Variants in FDCSP observed in about 807,000 individuals in gnomAD.
The protein encoded by FDCSP is follicular dendritic cell secreted peptide.
FDCSP carries 8 observed loss-of-function variants against 8.9 expected under a neutral mutation model. That is an observed-to-expected ratio of 0.90 (90% CI 0.53 to 1.63). FDCSP has a LOEUF of 1.63. FDCSP is among the 40% of genes most tolerant of loss of function. The pLI, the probability that FDCSP is intolerant of heterozygous loss-of-function variation, is 0.00. For missense variants in FDCSP, 101 were observed against 103.6 expected (o/e 0.98, Z 0.11); for synonymous variants, 34 against 34.5 (o/e 0.98, Z 0.06).
intron 1 of FDCSP, among the ~76,000 whole-genome samples, chr4:70,228,074 T>C (rs1044789009): frequency 2.0e-5 from 3 of 151,808 alleles, no homozygotes; most frequent in Non-Finnish European, 2.9e-5. Flanking sequence ...GATTTCTCTG[T>C]AGCATGCGAT....
chr4:70,229,809 A>T (rs1730049850), intron 1 of FDCSP, among the ~76,000 whole-genome samples: 1 of 151,728 alleles, frequency 6.6e-6, no homozygotes, highest in African/African-American at 2.4e-5. Flanking sequence ...CACTGATCAC[A>T]GATCACCATA....
At position 70,231,057 on chromosome 4, in the gene FDCSP, C is replaced by T. The variant is rs532620329; in HGVS notation, c.1-138C>T. On this transcript the variant is annotated intron_variant, in intron 1 of 4. Coordinates refer to ENST00000317987, the MANE Select transcript of FDCSP (RefSeq NM_152997.4). ...ATTCCCTAAGATTGTAAGTGACTTG[C>T]TCAAACTCAAAGAGCTATTTGTCAA... The T allele has an allele frequency of 1.6e-5, 10 of 616,390 alleles. No homozygotes were observed. The South Asian group carries it at 2.5e-4, about 15-fold the overall frequency. 38.2% of individuals were successfully genotyped at this position (616,390 alleles called of 1,614,324 possible).
intron 1 of FDCSP, among the ~76,000 whole-genome samples, chr4:70,228,516 G>C (rs1319255871): frequency 6.6e-6 from 1 of 151,800 alleles, no homozygotes; most frequent in Non-Finnish European, 1.5e-5. Context: ...AATCACAAAT[G>C]GTCTTAATGG....
At chr4:70,231,145 T>G in intron 1 of FDCSP, 50 bp from the exon 2 acceptor site, 1 of 1,447,818 alleles carries the variant, frequency 6.9e-7, no homozygotes, top group South Asian at 1.2e-5. Context: ...CTAGGATATT[T>G]ATGAATAAAA....
chr4:70,233,860 T>C (rs543204550), intron 3 of FDCSP, among the ~76,000 whole-genome samples, 160 bp from the exon 4 acceptor site: 2 of 151,768 alleles, frequency 1.3e-5, no homozygotes, highest in South Asian at 4.1e-4. Context: ...TGCAAATTAA[T>C]AAACTCCCTG....
At position 70,234,046 on chromosome 4, in the gene FDCSP, A is replaced by G. The variant is rs1414213274; in HGVS notation, c.117A>G (p.Ser39=). 1.1e-5 allele frequency: 18 copies of G among 1,606,188 alleles called. No homozygotes were observed. The Admixed American group carries it at 3.0e-4, about 27-fold the overall frequency. ...RSISDSDELA[S]GFFVFPYPYP... ...TCAGTGACAGCGATGAATTAGCTTC[A>G]GGGTTTTTTGTGTTCCCTTACCCAT... Residue 39 remains serine, a synonymous_variant, in exon 4 of 5, where the codon TCA becomes TCG. Coordinates refer to ENST00000317987, the MANE Select transcript of FDCSP (RefSeq NM_152997.4).
chr4:70,227,380 G>T (rs1296979635), intron 1 of FDCSP, among the ~76,000 whole-genome samples: 2 of 151,482 alleles, frequency 1.3e-5, no homozygotes, highest in African/African-American at 4.8e-5. Flanking sequence ...TTCAAATTTT[G>T]ATTAGTATCA....
intron 1 of FDCSP, among the ~76,000 whole-genome samples, chr4:70,228,722 T>C (rs1230483676): frequency 6.6e-6 from 1 of 151,862 alleles, no homozygotes; most frequent in African/African-American, 2.4e-5. Context: ...ACAACATTCA[T>C]CTCTTTGTAC....
chr4:70,231,711 G>A (rs1730086995), intron 2 of FDCSP, among the ~76,000 whole-genome samples: 1 of 151,674 alleles, frequency 6.6e-6, no homozygotes, highest in African/African-American at 2.4e-5. Flanking sequence ...TTATTTTAGA[G>A]TTAACTCCTT....
At chr4:70,229,760 A>G (rs1730048216) in intron 1 of FDCSP, among the ~76,000 whole-genome samples, 1 of 151,532 alleles carries the variant, frequency 6.6e-6, no homozygotes. Context: ...TTCCCATAAC[A>G]CCCCCAAATA....
intron 1 of FDCSP, among the ~76,000 whole-genome samples, chr4:70,227,795 A>G (rs1730012693): frequency 6.6e-6 from 1 of 151,924 alleles, no homozygotes; most frequent in South Asian, 2.1e-4. Context: ...ATTACACTAC[A>G]GCATTGTATG....
At chr4:70,227,603 T>C (rs1249332491) in intron 1 of FDCSP, among the ~76,000 whole-genome samples, 1 of 151,600 alleles carries the variant, frequency 6.6e-6, no homozygotes, top group Non-Finnish European at 1.5e-5. Context: ...TGTAATGTAT[T>C]TACTTATAAC....
chr4:70,230,016 T>TA (rs1249547589), intron 1 of FDCSP, among the ~76,000 whole-genome samples: 1 of 151,580 alleles, frequency 6.6e-6, no homozygotes, highest in Non-Finnish European at 1.5e-5. Flanking sequence ...ACTCAATTAG[T>TA]AAAAAACAAG....
chr4:70,231,382 C>T lies in FDCSP; in HGVS notation c.57+131C>T, dbSNP rs80091474. 1,953 of 614,968 alleles carry T rather than the reference C, an allele frequency of 3.2e-3. 22 individuals are homozygous for T. Among genetic ancestry groups the T allele is most frequent in the African/African-American group, 0.026 (1,337 of 52,270 alleles). The allele number at this position is 614,968 out of a possible 1,614,324, so 38.1% of individuals were successfully genotyped here. A position where few individuals can be genotyped will look rare whatever the true frequency, so the allele number is the denominator to read the frequency against. On this transcript the variant is annotated intron_variant, in intron 2 of 4. Coordinates refer to ENST00000317987, the MANE Select transcript of FDCSP (RefSeq NM_152997.4). ...CAGAGCTACCAAGTGCAGTGGCTTA[C>T]GCCTGTATTCCCTGTAATTTGGGAG...
chr4:70,231,877 A>G (rs1730090236), intron 2 of FDCSP, among the ~76,000 whole-genome samples: 1 of 151,686 alleles, frequency 6.6e-6, no homozygotes, highest in African/African-American at 2.4e-5. Flanking sequence ...GGTGGAAAGC[A>G]GTGACATTGA....
At position 70,231,188 on chromosome 4, in the gene FDCSP, T is replaced by G; in HGVS notation, c.1-7T>G. On this transcript the variant is annotated splice_polypyrimidine_tract_variant and splice_region_variant and intron_variant, in intron 1 of 4. Coordinates refer to ENST00000317987, the MANE Select transcript of FDCSP (RefSeq NM_152997.4). ...TCTTCTTATTTTTTATTTACTCCAT[T>G]TTGCAGATGAAGAAAGTTCTCCTCC... The G allele has an allele frequency of 6.3e-7, 1 of 1,591,416 alleles. No homozygotes were observed. The highest frequency in any genetic ancestry group is 8.6e-7 in the Non-Finnish European group (1 of 1,168,604).
intron 3 of FDCSP, 151 bp from the exon 4 acceptor site, chr4:70,233,869 T>C (rs1730128508): frequency 3.3e-6 from 2 of 608,482 alleles, no homozygotes; most frequent in Admixed American, 6.2e-5. Context: ...ATAAACTCCC[T>C]GTCCATAGTA....
At chr4:70,227,475 G>T (rs1260237159) in intron 1 of FDCSP, among the ~76,000 whole-genome samples, 1 of 151,580 alleles carries the variant, frequency 6.6e-6, no homozygotes, top group Non-Finnish European at 1.5e-5. Context: ...ACATCAAAAG[G>T]TGATAAAATT....
intron 2 of FDCSP, among the ~76,000 whole-genome samples, chr4:70,231,763 G>A (rs998931521): frequency 6.6e-6 from 1 of 151,556 alleles, no homozygotes; most frequent in African/African-American, 2.4e-5. Flanking sequence ...GCCTCAGACA[G>A]GTCCTTCAGG....
Sources: allele counts gnomAD v4.1 joint callset (sites outside exome capture counted in the v4.1 genomes callset), GRCh38; gene constraint gnomAD v4.1.1; transcripts MANE v1.5; gene names NCBI Gene and HGNC (gene_info 2026-07-23, HGNC 2026-07-21).